FMN2: variants seen among roughly 807,000 people sequenced by gnomAD.
FMN2 encodes formin-2.
FMN2 carries 51 observed loss-of-function variants against 142.3 expected under a neutral mutation model. That is an observed-to-expected ratio of 0.36 (90% CI 0.29 to 0.45). The LOEUF (loss-of-function observed/expected upper bound fraction) is 0.45. Among genes scored for constraint, FMN2 ranks in the 20% least tolerant of loss-of-function variants. FMN2 has a pLI of 1.00. For missense variants in FMN2, 1,936 were observed against 2,122.8 expected (o/e 0.91, Z 1.73); for synonymous variants, 882 against 869.8 (o/e 1.01, Z -0.25).
chr1:240,448,621 A>G (rs9287239), intron 16 of FMN2, among the ~76,000 whole-genome samples: 131,567 of 152,056 alleles, frequency 0.87, 57,176 homozygotes, highest in Admixed American at 0.94. Context: ...TTCAAGAACA[A>G]CCTGGGAAAC....
intron 2 of FMN2, among the ~76,000 whole-genome samples, chr1:240,124,835 T>C (rs1244694506): frequency 1.3e-5 from 2 of 152,034 alleles, no homozygotes; most frequent in Admixed American, 1.3e-4. Flanking sequence ...GCCTGGCTAA[T>C]TTTTGTATTT....
chr1:240,216,815 G>T (rs1191454299), intron 6 of FMN2, among the ~76,000 whole-genome samples: 1 of 152,084 alleles, frequency 6.6e-6, no homozygotes, highest in Admixed American at 6.5e-5. Flanking sequence ...CGGGAGTAGT[G>T]GTGGATGCCT....
At chr1:240,181,375 T>C (rs1665145174) in intron 3 of FMN2, among the ~76,000 whole-genome samples, 1 of 152,216 alleles carries the variant, frequency 6.6e-6, no homozygotes, top group Non-Finnish European at 1.5e-5. Context: ...TACTCTGTCT[T>C]CTGCCTTTTT....
In FMN2 at chr1:240,207,857, C is replaced by A. The variant is rs780602178; in HGVS notation, c.3045C>A (p.Pro1015=). The A allele has an allele frequency of 7.0e-5, 31 of 440,172 alleles. No individual in the cohort carries two copies. Among genetic ancestry groups the A allele is most frequent in the South Asian group, 3.5e-4 (16 of 45,630 alleles). 27.3% of individuals were successfully genotyped at this position (440,172 alleles called of 1,614,324 possible). Residue 1015 remains proline, a synonymous_variant, in exon 5 of 18, where the codon CCC becomes CCA. Transcript: ENST00000319653. ...GAGIPPPPPL[P]GAGIPPPPPL... ...GCATACCCCCTCCTCCCCCTCTTCC[C>A]GGAGCGGGCATACCTCCTCCACCCC...
In FMN2 at chr1:240,092,571, C is replaced by T. The variant is rs764454579; in HGVS notation, c.462C>T (p.Val154=). 3.7e-6 allele frequency: 6 copies of T among 1,613,358 alleles called. No individual in the cohort carries two copies. In the South Asian group the frequency reaches 6.6e-5, roughly 18 times the overall value. Reference sequence around the variant, plus strand: ...GTCCTGGGCCTGCCGAGGCTAGGGTCGGGGGCCGGCCGATCGCCGAGGATG... The same window carrying T: ...GTCCTGGGCCTGCCGAGGCTAGGGTTGGGGGCCGGCCGATCGCCGAGGATG... ...PGGPGPAEAR[V]GGRPIAEDVE... The change falls in exon 1 of 18, where the codon GTC becomes GTT. Residue 154 remains valine, a synonymous_variant. Coordinates refer to ENST00000319653, the MANE Select transcript of FMN2 (RefSeq NM_020066.5).
chr1:240,176,452 G>A (rs1472598788), intron 2 of FMN2, among the ~76,000 whole-genome samples: 2 of 152,186 alleles, frequency 1.3e-5, no homozygotes, highest in African/African-American at 2.4e-5. Flanking sequence ...TTCTGTGACC[G>A]ACTGTTGGCA....
At chr1:240,354,032 C>T (rs1265483776) in intron 13 of FMN2, among the ~76,000 whole-genome samples, 4 of 152,068 alleles carry the variant, frequency 2.6e-5, no homozygotes, top group African/African-American at 2.4e-5. Context: ...TACATTGTAG[C>T]GAGTGCTACA....
At chr1:240,148,047 G>A (rs192358065) in intron 2 of FMN2, among the ~76,000 whole-genome samples, 1 of 152,342 alleles carries the variant, frequency 6.6e-6, no homozygotes, top group East Asian at 1.9e-4. Context: ...CTCTGCTCAT[G>A]AGAGATGCTG....
chr1:240,269,383 A>G lies in FMN2; in HGVS notation c.4153+11351A>G, dbSNP rs1376959126. ...AGCTGGGTTTATTTCTGGACACTCC[A>G]TTCTATTCCACTGGACGATGTGTCT... On this transcript the variant is annotated intron_variant, in intron 7 of 17. Transcript: ENST00000319653. 2.6e-5 allele frequency among the ~76,000 whole-genome samples: 4 copies of G among 152,016 alleles called. No individual in the cohort carries two copies. The South Asian group carries it at 8.3e-4, about 31-fold the overall frequency.
chr1:240,143,090 C>A, intron 2 of FMN2: 1 of 1,527,944 alleles, frequency 6.5e-7, no homozygotes, highest in Non-Finnish European at 9.0e-7. Flanking sequence ...CTAAATGTGT[C>A]AGGCCCTGTG....
At chr1:240,283,368 T>C (rs1669481248) in intron 7 of FMN2, among the ~76,000 whole-genome samples, 1 of 152,180 alleles carries the variant, frequency 6.6e-6, no homozygotes, top group Admixed American at 6.5e-5. Context: ...CATGCTTGTA[T>C]TACCATTTGC....
chr1:240,398,180 T>A (rs1206424044), intron 15 of FMN2, among the ~76,000 whole-genome samples: 1 of 152,072 alleles, frequency 6.6e-6, no homozygotes, highest in Non-Finnish European at 1.5e-5. Context: ...TTTCTTGTAT[T>A]TTTAGTATAG....
rs555963513 is a variant in FMN2, at chr1:240,100,274, G to A, written c.1615+6550G>A. 2.0e-5 allele frequency among the ~76,000 whole-genome samples: 3 copies of A among 152,248 alleles called. No individual in the cohort carries two copies. In the South Asian group the frequency reaches 6.2e-4, roughly 32 times the overall value. The stretch of plus-strand genomic sequence containing the variant: ...TGACCTTCCAAATATAAATGTTATT[G>A]TAATGAAAGAAGAGGTAAAGGGAAT... On this transcript the variant is annotated intron_variant, in intron 1 of 17. Transcript: ENST00000319653.
At chr1:240,219,753 C>T (rs1374988585) in intron 6 of FMN2, among the ~76,000 whole-genome samples, 4 of 151,976 alleles carry the variant, frequency 2.6e-5, no homozygotes, top group Non-Finnish European at 2.9e-5. Context: ...TTCCCTGGCT[C>T]GAGCAATCCT....
intron 14 of FMN2, among the ~76,000 whole-genome samples, chr1:240,384,869 A>T (rs1290004490): frequency 6.6e-6 from 1 of 152,218 alleles, no homozygotes. Flanking sequence ...TATGTAAAGA[A>T]TTAGAATAGT....
At chr1:240,115,398 T>G (rs1010833853) in intron 1 of FMN2, among the ~76,000 whole-genome samples, 85 of 152,320 alleles carry the variant, frequency 5.6e-4, no homozygotes, top group African/African-American at 2.0e-3. Flanking sequence ...CCATGATGCA[T>G]CACTCTGAGG....
At chr1:240,356,200 A>G (rs1332976511) in intron 14 of FMN2, among the ~76,000 whole-genome samples, 1 of 152,116 alleles carries the variant, frequency 6.6e-6, no homozygotes, top group Non-Finnish European at 1.5e-5. Context: ...TCATCTTTTA[A>G]AAGACATTAA....
At chr1:240,179,795 T>C (rs1665076975) in intron 3 of FMN2, among the ~76,000 whole-genome samples, 1 of 152,228 alleles carries the variant, frequency 6.6e-6, no homozygotes, top group African/African-American at 2.4e-5. Flanking sequence ...ATTAATCAGT[T>C]GCATGGAGAG....
intron 15 of FMN2, among the ~76,000 whole-genome samples, chr1:240,411,968 A>G (rs1674409600): frequency 6.6e-6 from 1 of 152,182 alleles, no homozygotes. Flanking sequence ...TACATCCTCA[A>G]TATAAACAGA....
Sources: allele counts gnomAD v4.1 joint callset (sites outside exome capture counted in the v4.1 genomes callset), GRCh38; gene constraint gnomAD v4.1.1; transcripts MANE v1.5; gene names NCBI Gene and HGNC (gene_info 2026-07-23, HGNC 2026-07-21).